Variants in INSR observed in about 807,000 individuals in gnomAD.
INSR encodes the protein insulin receptor.
A neutral mutation model predicts 142.6 loss-of-function variants in INSR; 67 were observed. That is an observed-to-expected ratio of 0.47 (90% CI 0.39 to 0.58). The LOEUF is 0.58. INSR is among the 20% of genes least tolerant of loss of function. The pLI, the probability that INSR is intolerant of heterozygous loss-of-function variation, is 0.00. For missense variants in INSR, 1,248 were observed against 1,833.2 expected (o/e 0.68, Z 5.83); for synonymous variants, 756 against 743.1 (o/e 1.02, Z -0.28).
chr19:7,282,037 G>T (rs977500845), intron 1 of INSR, among the ~76,000 whole-genome samples: 1 of 152,182 alleles, frequency 6.6e-6, no homozygotes, highest in Non-Finnish European at 1.5e-5. Flanking sequence ...GGATAGCAAA[G>T]CTTGTTCTGC....
intron 9 of INSR, among the ~76,000 whole-genome samples, chr19:7,156,781 TC>T (rs1378871770): frequency 3.2e-5 from 4 of 123,624 alleles, no homozygotes; most frequent in African/African-American, 5.8e-5. Flanking sequence ...ACTATTTCTC[TC>T]TTTTTTTTTT....
chr19:7,225,783 T>G lies in INSR; in HGVS notation c.653-41146A>C, dbSNP rs1231121501. ...GCACCCTGGTCCAGGGGTCCTCAAA[T>G]GGAGGCGATTCTGCCCACCAGGAGA... On this transcript the variant is annotated intron_variant, in intron 2 of 21. Transcript: ENST00000302850. The surrounding 1 kb of genome is among the most constrained non-coding windows in gnomAD (Gnocchi z 4.7). 6.6e-6 allele frequency among the ~76,000 whole-genome samples: 1 copy of G among 151,474 alleles called. No individual in the cohort carries two copies. The highest frequency in any genetic ancestry group is 6.6e-5 in the Admixed American group (1 of 15,186).
At chr19:7,241,904 C>T (rs1296345925) in intron 2 of INSR, among the ~76,000 whole-genome samples, 4 of 152,018 alleles carry the variant, frequency 2.6e-5, no homozygotes, top group African/African-American at 9.7e-5. Flanking sequence ...TGGCTCATGC[C>T]TGTGCACTCT....
intron 2 of INSR, among the ~76,000 whole-genome samples, chr19:7,218,212 C>A (rs920147226): frequency 1.3e-5 from 2 of 151,774 alleles, no homozygotes; most frequent in Non-Finnish European, 2.9e-5. Context: ...GTTGTTGCAA[C>A]CAGTGTGGGG....
At chr19:7,158,497 T>C (rs565039867) in intron 9 of INSR, among the ~76,000 whole-genome samples, 395 of 151,814 alleles carry the variant, frequency 2.6e-3, no homozygotes, top group Non-Finnish European at 3.3e-3. Flanking sequence ...CGAGACTCCG[T>C]CTCAAAAAAA....
intron 10 of INSR, among the ~76,000 whole-genome samples, chr19:7,151,709 A>G (rs371201842): frequency 6.6e-5 from 10 of 152,238 alleles, no homozygotes; most frequent in East Asian, 5.8e-4. Context: ...GAAAAGAAAA[A>G]AAAAAAAGAG....
intron 2 of INSR, among the ~76,000 whole-genome samples, chr19:7,213,994 A>C (rs1048647709): frequency 3.3e-5 from 5 of 152,136 alleles, no homozygotes; most frequent in Non-Finnish European, 5.9e-5. Context: ...TGTCTCAAAA[A>C]AAAAAAGGAA....
intron 13 of INSR, 21 bp from the exon 14 acceptor site, chr19:7,132,338 G>A: frequency 1.2e-6 from 2 of 1,612,196 alleles, no homozygotes; most frequent in Non-Finnish European, 1.7e-6. Context: ...GAGAGGAGGA[G>A]AAGGAGGGTG....
chr19:7,127,266 C>G (rs1275690464), intron 15 of INSR, among the ~76,000 whole-genome samples: 1 of 152,088 alleles, frequency 6.6e-6, no homozygotes, highest in African/African-American at 2.4e-5. Context: ...CAGTACTGTT[C>G]TAGAGCGAGC....
intron 1 of INSR, among the ~76,000 whole-genome samples, chr19:7,268,946 T>C (rs113153201): frequency 5.3e-4 from 80 of 151,864 alleles, no homozygotes; most frequent in African/African-American, 1.7e-3. Flanking sequence ...CCTATTTGCG[T>C]GTTTCTCCTC....
At chr19:7,196,494 G>A (rs1974750893) in intron 2 of INSR, among the ~76,000 whole-genome samples, 1 of 152,172 alleles carries the variant, frequency 6.6e-6, no homozygotes, top group South Asian at 2.1e-4. Context: ...TTAAAAGCCA[G>A]AGAAATAGGA....
Position 7,184,514 on chromosome 19 carries a change from T to C in INSR, c.776A>G (p.Tyr259Cys). ...PTKCVACRNF[Y>C]LDGRCVETCP... is the part of the protein sequence containing the mutation. ...GGTCTCCACACACCTGCCGTCCAGG[T>C]AGAAGTTGCGGCAGGCCACGCACTT... The change falls in exon 3 of 22, where the codon TAC (tyrosine) becomes TGC (cysteine). Residue 259 changes from tyrosine (Y) to cysteine (C), a missense_variant. By Grantham distance (194) the Tyr-to-Cys change is radical (BLOSUM62 -2). Transcript: ENST00000302850. 2 of 1,613,932 alleles carry C rather than the reference T, an allele frequency of 1.2e-6. No homozygotes were observed. The highest frequency in any genetic ancestry group is 2.2e-5 in the South Asian group (2 of 91,078).
chr19:7,283,485 G>A (rs910340748), intron 1 of INSR, among the ~76,000 whole-genome samples: 2 of 152,152 alleles, frequency 1.3e-5, no homozygotes, highest in Non-Finnish European at 2.9e-5. Flanking sequence ...TGTTGCCCTG[G>A]CTGGAATGCA....
At chr19:7,124,192 T>C (rs1972564680) in intron 17 of INSR, among the ~76,000 whole-genome samples, 1 of 150,752 alleles carries the variant, frequency 6.6e-6, no homozygotes, top group South Asian at 2.1e-4. Context: ...TGAAACCCCG[T>C]CTCTAATAAA....
chr19:7,127,681 A>C (rs1209964713), intron 15 of INSR, among the ~76,000 whole-genome samples: 1 of 152,208 alleles, frequency 6.6e-6, no homozygotes, highest in Non-Finnish European at 1.5e-5. Context: ...GCTATAACTC[A>C]GGACTGGATT....
At chr19:7,153,213 CCA>C (rs1158886318) in intron 9 of INSR, among the ~76,000 whole-genome samples, 1 of 77,010 alleles carries the variant, frequency 1.3e-5, no homozygotes, top group Non-Finnish European at 3.0e-5. Flanking sequence ...ACACCACACA[CCA>C]CACACACGCA....
intron 2 of INSR, among the ~76,000 whole-genome samples, chr19:7,187,334 G>A (rs1432105832): frequency 2.6e-5 from 4 of 151,374 alleles, no homozygotes; most frequent in Admixed American, 6.6e-5. Context: ...CACTCACCCT[G>A]GCCCCCCAAA....
chr19:7,143,169 CTTGA>C, intron 11 of INSR, 79 bp from the exon 12 acceptor site: 1 of 1,505,762 alleles, frequency 6.6e-7, no homozygotes, highest in Non-Finnish European at 9.2e-7. Flanking sequence ...GAATAAAAGG[CTTGA>C]TTAAGAAGAA....
chr19:7,255,084 T>A (rs1031743804), intron 2 of INSR, among the ~76,000 whole-genome samples: 9 of 151,286 alleles, frequency 5.9e-5, no homozygotes. Context: ...AAATTCGTTA[T>A]CTTCACCACT....
Sources: allele counts gnomAD v4.1 joint callset (sites outside exome capture counted in the v4.1 genomes callset), GRCh38; gene constraint gnomAD v4.1.1; non-coding constraint Gnocchi (gnomAD v3.1); transcripts MANE v1.5; gene names NCBI Gene and HGNC (gene_info 2026-07-23, HGNC 2026-07-21).